Variants in EPHA5 observed in about 807,000 individuals in gnomAD.
The protein encoded by EPHA5 is EPH receptor A5.
EPHA5 carries 60 observed loss-of-function variants against 105.0 expected under a neutral mutation model. The ratio of observed to expected loss-of-function variants is 0.57; its 90% CI spans 0.46 to 0.71. The LOEUF (loss-of-function observed/expected upper bound fraction) is 0.71. Among genes scored for constraint, EPHA5 ranks in the 30% least tolerant of loss-of-function variants. The pLI is 0.00. For synonymous variants in EPHA5, 513 were observed against 449.1 expected (o/e 1.14, Z -1.80); for missense variants, 1,218 against 1,274.7 (o/e 0.96, Z 0.68).
At chr4:65,333,950 C>T (rs918092293) in intron 15 of EPHA5, among the ~76,000 whole-genome samples, 1 of 151,730 alleles carries the variant, frequency 6.6e-6, no homozygotes, top group Non-Finnish European at 1.5e-5. Flanking sequence ...CAAAACCTAT[C>T]ATTGTGCATA....
chr4:65,450,607 CA>C (rs1456576278), intron 5 of EPHA5, among the ~76,000 whole-genome samples: 2 of 152,078 alleles, frequency 1.3e-5, no homozygotes, highest in Non-Finnish European at 2.9e-5. Context: ...ATCTTTTCTC[CA>C]TCTAATTATT....
chr4:65,564,282 G>T (rs1560702750), intron 3 of EPHA5, among the ~76,000 whole-genome samples: 1 of 151,764 alleles, frequency 6.6e-6, no homozygotes, highest in Admixed American at 6.6e-5. Flanking sequence ...AAGATGCTTT[G>T]ACTAAAATAC....
At chr4:65,596,542 A>G (rs1743204443) in intron 3 of EPHA5, among the ~76,000 whole-genome samples, 1 of 152,200 alleles carries the variant, frequency 6.6e-6, no homozygotes, top group Admixed American at 6.5e-5. Flanking sequence ...AAATTTTATT[A>G]GAACTAATCT....
chr4:65,622,060 T>C (rs527910049), intron 2 of EPHA5, among the ~76,000 whole-genome samples: 18 of 152,252 alleles, frequency 1.2e-4, no homozygotes, highest in Admixed American at 5.9e-4. Context: ...AAGAGTATTT[T>C]AAGTTTAAAA....
intron 5 of EPHA5, among the ~76,000 whole-genome samples, chr4:65,479,666 A>G (rs889833940): frequency 5.3e-5 from 8 of 152,294 alleles, no homozygotes; most frequent in Admixed American, 5.2e-4. Context: ...TTAGGCAGTA[A>G]GAGAACCTGG....
At chr4:65,504,624 C>A (rs745372764) in intron 3 of EPHA5, among the ~76,000 whole-genome samples, 12 of 151,826 alleles carry the variant, frequency 7.9e-5, no homozygotes, top group Admixed American at 6.6e-4. Flanking sequence ...CTCGACAATG[C>A]GGATGTGCTT....
At chr4:65,574,721 CATATATATACATATATATATACAT>C (rs1279815210) in intron 3 of EPHA5, among the ~76,000 whole-genome samples, 31 of 69,464 alleles carry the variant, frequency 4.5e-4, no homozygotes, top group South Asian at 1.9e-3. Flanking sequence ...TATATATATA[CATATATATACATATATATATACAT>C]ATATATATAT....
chr4:65,484,626 G>C (rs539832854), intron 5 of EPHA5, among the ~76,000 whole-genome samples: 2 of 152,174 alleles, frequency 1.3e-5, no homozygotes, highest in Non-Finnish European at 2.9e-5. Flanking sequence ...TTAGAATTCT[G>C]TACCTTGGCA....
chr4:65,589,605 G>A (rs1051171524), intron 3 of EPHA5, among the ~76,000 whole-genome samples: 6 of 152,076 alleles, frequency 3.9e-5, no homozygotes, highest in East Asian at 1.9e-4. Context: ...TAAGCAAACC[G>A]GTGTTGACAT....
At chr4:65,534,637 A>C (rs1345030850) in intron 3 of EPHA5, among the ~76,000 whole-genome samples, 2 of 152,190 alleles carry the variant, frequency 1.3e-5, no homozygotes, top group South Asian at 2.1e-4. Flanking sequence ...CATGCATAGC[A>C]TTTACCTTAT....
At chr4:65,528,925 C>T (rs550787129) in intron 3 of EPHA5, among the ~76,000 whole-genome samples, 3 of 152,110 alleles carry the variant, frequency 2.0e-5, no homozygotes, top group Non-Finnish European at 4.4e-5. Flanking sequence ...GGTGACCATG[C>T]AATTACAATT....
At chr4:65,376,863 C>T (rs1719057876) in intron 8 of EPHA5, 2 of 605,370 alleles carry the variant, frequency 3.3e-6, no homozygotes, top group Non-Finnish European at 5.4e-6. Flanking sequence ...ATTGTGAAAT[C>T]ACTTGTTAGG....
intron 13 of EPHA5, among the ~76,000 whole-genome samples, chr4:65,349,524 C>T (rs1389967389): frequency 6.6e-6 from 1 of 151,960 alleles, no homozygotes; most frequent in Non-Finnish European, 1.5e-5. Flanking sequence ...TGTAAAAAGA[C>T]TAACATGTGC....
intron 14 of EPHA5, among the ~76,000 whole-genome samples, chr4:65,344,165 G>GGATTGGCC (rs1476685856): frequency 6.6e-6 from 1 of 152,064 alleles, no homozygotes; most frequent in African/African-American, 2.4e-5. Flanking sequence ...TTTGATTATG[G>GGATTGGCC]GATTGGCCAA....
chr4:65,349,166 A>G (rs975639973), intron 13 of EPHA5, among the ~76,000 whole-genome samples: 1 of 151,838 alleles, frequency 6.6e-6, no homozygotes, highest in African/African-American at 2.4e-5. Flanking sequence ...ACGTTGTGTT[A>G]TTTCTTTTAG....
At chr4:65,348,028 T>C (rs368835686) in intron 14 of EPHA5, 26 bp downstream of exon 14, 2 of 1,545,838 alleles carry the variant, frequency 1.3e-6, no homozygotes, top group African/African-American at 2.8e-5. Flanking sequence ...CATTGTCAAG[T>C]TGGGAAAGAG....
intron 2 of EPHA5, among the ~76,000 whole-genome samples, chr4:65,603,057 C>T (rs368920298): frequency 4.5e-4 from 69 of 152,024 alleles, no homozygotes; most frequent in Middle Eastern, 3.4e-3. Context: ...TAACTTCTTG[C>T]GATATGTTGG....
chr4:65,471,862 C>A (rs188461922), intron 5 of EPHA5, among the ~76,000 whole-genome samples: 2 of 152,046 alleles, frequency 1.3e-5, no homozygotes, highest in Non-Finnish European at 2.9e-5. Context: ...CAGAGCCAAA[C>A]CATATCATTC....
chr4:65,472,874 A>G lies in EPHA5; in HGVS notation c.1402+17503T>C, dbSNP rs185633806. Among the ~76,000 whole-genome samples the G allele has an allele frequency of 6.2e-4, 94 of 152,350 alleles. 1 individual carries two copies. The highest frequency in any genetic ancestry group is 2.2e-3 in the African/African-American group (90 of 41,594). On this transcript the variant is annotated intron_variant, in intron 5 of 16. Coordinates refer to ENST00000613740, the MANE Select transcript of EPHA5 (RefSeq NM_001281766.3). Reference sequence around the variant, plus strand: ...TGCAATTAACATCGAGTTCCTTGTTACTATGCAAATTTATGCAGCCGGCTT... The same window carrying G: ...TGCAATTAACATCGAGTTCCTTGTTGCTATGCAAATTTATGCAGCCGGCTT...
Sources: gnomAD v4.1 joint callset for allele counts (sites outside exome capture counted in the v4.1 genomes callset) on GRCh38, gnomAD v4.1.1 for gene constraint, MANE v1.5 for transcripts, NCBI Gene and HGNC (gene_info 2026-07-23, HGNC 2026-07-21) for gene names.